The following ERO1A variants were observed in gnomAD, a reference collection of about 807,000 sequenced individuals.
The protein encoded by ERO1A is ERO1-like protein alpha.
In ERO1A, 49 loss-of-function variants were observed where a neutral mutation model predicts 76.9. The observed-to-expected ratio is 0.64, with a 90% CI of 0.51 to 0.81. The LOEUF (loss-of-function observed/expected upper bound fraction) is 0.81. ERO1A is among the 30% of genes least tolerant of loss of function. ERO1A has a pLI of 0.00. For missense variants in ERO1A, 448 were observed against 542.1 expected (o/e 0.83, Z 1.72); for synonymous variants, 174 against 181.2 (o/e 0.96, Z 0.32).
At position 52,665,792 on chromosome 14, in the gene ERO1A, C is replaced by T. The variant is rs116419184; in HGVS notation, c.629+583G>A. ...ACTAGATCTTTGACACTGAACAAAT[C>T]ATTTAACCTCTCTAAGTCTCAGTTT... On this transcript the variant is annotated intron_variant, in intron 7 of 15. Coordinates refer to ENST00000395686, the MANE Select transcript of ERO1A (RefSeq NM_014584.3). Among the ~76,000 whole-genome samples the T allele has an allele frequency of 4.1e-3, 623 of 152,260 alleles. 3 individuals carry two copies. The highest frequency in any genetic ancestry group is 0.014 in the African/African-American group (592 of 41,538).
At chr14:52,651,641 TAAG>T (rs2039871425) in intron 13 of ERO1A, among the ~76,000 whole-genome samples, 1 of 152,192 alleles carries the variant, frequency 6.6e-6, no homozygotes, top group South Asian at 2.1e-4. Flanking sequence ...GATATACTGT[TAAG>T]TATATATACA....
chr14:52,648,429 A>G (rs1234515016), intron 13 of ERO1A, among the ~76,000 whole-genome samples: 1 of 152,162 alleles, frequency 6.6e-6, no homozygotes, highest in African/African-American at 2.4e-5. Context: ...AGAAGACTTA[A>G]TGGTTATTAT....
intron 9 of ERO1A, among the ~76,000 whole-genome samples, chr14:52,660,114 A>G (rs2040184421): frequency 6.6e-6 from 1 of 152,084 alleles, no homozygotes; most frequent in Non-Finnish European, 1.5e-5. Context: ...GATTACAGGC[A>G]TAAGCCACCA....
chr14:52,648,458 CAT>C (rs1245486750), intron 13 of ERO1A, among the ~76,000 whole-genome samples: 2 of 152,146 alleles, frequency 1.3e-5, no homozygotes, highest in Non-Finnish European at 2.9e-5. Flanking sequence ...ACAGAATCCA[CAT>C]AGAGACAAGA....
rs776841620 is a variant in ERO1A at position 52,671,704 on chromosome 14, C to A, written c.435-1G>T. 8.8e-6 allele frequency: 14 copies of A among 1,599,264 alleles called. No individual in the cohort carries two copies. The highest frequency in any genetic ancestry group is 1.2e-5 in the Non-Finnish European group (14 of 1,172,778). On this transcript the variant is annotated splice_acceptor_variant, in intron 5 of 15. Coordinates refer to ENST00000395686, the MANE Select transcript of ERO1A (RefSeq NM_014584.3). LOFTEE classifies it high-confidence loss of function. ...AAGAACAGCCTTCTGTGTTTCCTCA[C>A]TTCAAACAAAGAAAAAAAATAACAT...
At chr14:52,650,468 AG>A (rs1461804434) in intron 13 of ERO1A, among the ~76,000 whole-genome samples, 1 of 146,708 alleles carries the variant, frequency 6.8e-6, no homozygotes, top group Non-Finnish European at 1.5e-5. Flanking sequence ...TCCAGGCAAG[AG>A]GTACTAATTT....
intron 1 of ERO1A, among the ~76,000 whole-genome samples, chr14:52,693,478 AT>A (rs1172848387): frequency 6.6e-6 from 1 of 152,080 alleles, no homozygotes; most frequent in African/African-American, 2.4e-5. Context: ...GATCATGTGA[AT>A]TAATACTTAA....
At chr14:52,683,936 T>C (rs200053145) in intron 1 of ERO1A, 29 bp from the exon 2 acceptor site, 3 of 1,541,496 alleles carry the variant, frequency 1.9e-6, no homozygotes, top group Admixed American at 4.1e-5. Context: ...AATATTAAAT[T>C]GAAATGTCCT....
At chr14:52,680,082 C>CAAA (rs35358193) in intron 3 of ERO1A, among the ~76,000 whole-genome samples, 438 of 89,704 alleles carry the variant, frequency 4.9e-3, no homozygotes, top group East Asian at 9.7e-3. Context: ...AAAACACAAA[C>CAAA]AAAAAAAAAA....
At chr14:52,651,020 G>C (rs1439156924) in intron 13 of ERO1A, among the ~76,000 whole-genome samples, 1 of 150,674 alleles carries the variant, frequency 6.6e-6, no homozygotes, top group Non-Finnish European at 1.5e-5. Flanking sequence ...TGTAATCCCA[G>C]CACTTTGGAA....
At chr14:52,688,261 T>G (rs1006664830) in intron 1 of ERO1A, among the ~76,000 whole-genome samples, 7 of 151,928 alleles carry the variant, frequency 4.6e-5, no homozygotes, top group African/African-American at 1.7e-4. Flanking sequence ...TCTATTACAA[T>G]CTCCCAAGCA....
rs996290102 is a variant in ERO1A at position 52,640,800 on chromosome 14, A to G, written c.*2770T>C. On this transcript the variant is annotated 3_prime_UTR_variant, in exon 16 of 16. Transcript: ENST00000395686. ...GAATATAATGGTTCTAAAATTAACCAAAGTAAGGGACACAGGCATTAGAGT... is the reference window on the plus strand; with the variant it reads ...GAATATAATGGTTCTAAAATTAACCGAAGTAAGGGACACAGGCATTAGAGT... 10 of 152,214 alleles carry G rather than the reference A, an allele frequency of 6.6e-5. No individual in the cohort carries two copies. Among genetic ancestry groups the G allele is most frequent in the Admixed American group, 3.9e-4 (6 of 15,282 alleles). 9.4% of individuals were successfully genotyped at this position (152,214 alleles called of 1,614,324 possible).
At chr14:52,677,750 C>T (rs1025468902) in intron 4 of ERO1A, among the ~76,000 whole-genome samples, 1 of 151,078 alleles carries the variant, frequency 6.6e-6, no homozygotes, top group African/African-American at 2.4e-5. Flanking sequence ...ACACTCTCAG[C>T]TACTCGGAAA....
At chr14:52,660,279 C>G (rs1022665760) in intron 9 of ERO1A, among the ~76,000 whole-genome samples, 4 of 151,226 alleles carry the variant, frequency 2.6e-5, no homozygotes, top group African/African-American at 9.7e-5. Flanking sequence ...GACAGTTTCT[C>G]TAAGGATGGC....
At chr14:52,647,494 A>C (rs995837072) in intron 13 of ERO1A, among the ~76,000 whole-genome samples, 1 of 152,106 alleles carries the variant, frequency 6.6e-6, no homozygotes, top group Non-Finnish European at 1.5e-5. Context: ...CCCTCATGTT[A>C]TCTCTCGAGT....
chr14:52,674,332 A>G (rs570168192), intron 4 of ERO1A, among the ~76,000 whole-genome samples: 1 of 152,230 alleles, frequency 6.6e-6, no homozygotes, highest in African/African-American at 2.4e-5. Flanking sequence ...AGCTAGGACT[A>G]TGGGCATGCA....
At chr14:52,682,087 T>C (rs2041014017) in intron 3 of ERO1A, among the ~76,000 whole-genome samples, 1 of 152,192 alleles carries the variant, frequency 6.6e-6, no homozygotes, top group Non-Finnish European at 1.5e-5. Context: ...TTAGTTTTAT[T>C]GGCTGCCTTT....
intron 2 of ERO1A, 76 bp from the exon 3 acceptor site, chr14:52,682,484 G>A: frequency 9.0e-7 from 1 of 1,114,356 alleles, no homozygotes; most frequent in East Asian, 2.6e-5. Context: ...AAATTATGGT[G>A]CTATAACTTG....
intron 1 of ERO1A, among the ~76,000 whole-genome samples, 196 bp downstream of exon 1, chr14:52,695,172 G>A (rs1282721512): frequency 6.6e-6 from 1 of 152,080 alleles, no homozygotes; most frequent in Non-Finnish European, 1.5e-5. Context: ...GCGCGGCGAC[G>A]TCCAGGCTGC....
Sources: gnomAD v4.1 joint callset for allele counts (sites outside exome capture counted in the v4.1 genomes callset) on GRCh38, gnomAD v4.1.1 for gene constraint, MANE v1.5 for transcripts, NCBI Gene and HGNC (gene_info 2026-07-23, HGNC 2026-07-21) for gene names.